The following PSME4 variants were observed in gnomAD, a reference collection of about 807,000 sequenced individuals.
PSME4 encodes the protein proteasome activator complex subunit 4.
A neutral mutation model predicts 253.9 loss-of-function variants in PSME4; 89 were observed. That is an observed-to-expected ratio of 0.35 (90% CI 0.30 to 0.42). The LOEUF (loss-of-function observed/expected upper bound fraction) is 0.42, where lower values mean the gene tolerates loss of function less well. PSME4 is among the 10% of genes least tolerant of loss of function. The probability of loss-of-function intolerance (pLI) is 1.00; values close to 1 mark genes in which losing one functional copy is unlikely to be tolerated. For synonymous variants in PSME4, 851 were observed against 759.2 expected, an observed-to-expected ratio of 1.12 and a Z score of -1.99; for missense variants, 2,014 against 2,195.2, an observed-to-expected ratio of 0.92 and a Z score of 1.65.
Position 53,950,618 on chromosome 2 carries a change from G to C in PSME4, c.243-1335C>G, listed in dbSNP as rs371310786. On this transcript the variant is annotated intron_variant, in intron 1 of 46. Transcript: ENST00000404125. ...GCACTTTGGGAGGCCGACGTGGGTG[G>C]ATTACCTGAGGTCAGGAGTTTGAGA... Among the ~76,000 whole-genome samples, 69 of 152,090 alleles carry C rather than the reference G, an allele frequency of 4.5e-4. No individual in the cohort carries two copies. In the East Asian group the frequency reaches 0.013, roughly 29 times the overall value.
rs1266326719 is a variant in PSME4 at position 53,897,996 on chromosome 2, G to C, written c.3480C>G (p.Pro1160=). The C allele has an allele frequency of 1.2e-6, 2 of 1,613,016 alleles. No individual in the cohort carries two copies. The highest frequency in any genetic ancestry group is 2.7e-5 in the African/African-American group (2 of 74,780). ...LLDGVEQRNL[P]WKFEHIGIGL... ...CAATGCCTATATGTTCAAATTTCCA[G>C]GGCCTTAAAAGGAGGAAAAATAACA... Residue 1160 remains proline (P), a synonymous_variant, in exon 31 of 47, where the codon CCC becomes CCG. Transcript: ENST00000404125.
Position 53,888,006 on chromosome 2 carries a change from G to T in PSME4, c.4389-17C>A. ...TAAAGTCGACTAAAATTAAAGCATC[G>T]TAGTGTTATATTGGAGGCCCTTTCT... is the stretch of plus-strand genomic sequence containing the variant. On this transcript the variant is annotated splice_polypyrimidine_tract_variant and intron_variant, in intron 38 of 46. Coordinates refer to ENST00000404125, the MANE Select transcript of PSME4 (RefSeq NM_014614.3). The T allele has an allele frequency of 6.2e-7, 1 of 1,602,896 alleles. No individual in the cohort carries two copies. Among genetic ancestry groups the T allele is most frequent in the South Asian group, 1.1e-5 (1 of 89,094 alleles).
chr2:53,896,493 C>T (rs1680144450), intron 32 of PSME4, among the ~76,000 whole-genome samples: 1 of 152,094 alleles, frequency 6.6e-6, no homozygotes, highest in Non-Finnish European at 1.5e-5. Context: ...TGTCCCTAAT[C>T]CCACCACCCA....
intron 1 of PSME4, among the ~76,000 whole-genome samples, chr2:53,964,695 C>T (rs1201275287): frequency 6.6e-6 from 1 of 152,214 alleles, no homozygotes; most frequent in African/African-American, 2.4e-5. Flanking sequence ...TTAGCATTTC[C>T]TTTCTTTCCC....
intron 1 of PSME4, among the ~76,000 whole-genome samples, chr2:53,958,131 A>C (rs1042123217): frequency 6.8e-6 from 1 of 147,418 alleles, no homozygotes; most frequent in African/African-American, 2.5e-5. Flanking sequence ...GGTTGCAGTG[A>C]GGCAAGATCG....
chr2:53,910,202 G>A, intron 20 of PSME4, 72 bp from the exon 21 acceptor site: 1 of 1,273,812 alleles, frequency 7.9e-7, no homozygotes, highest in African/African-American at 1.5e-5. Context: ...AAGTTTCATT[G>A]CTGGACTGTT....
chr2:53,928,959 A>C (rs1267738851), intron 10 of PSME4, among the ~76,000 whole-genome samples: 1 of 152,112 alleles, frequency 6.6e-6, no homozygotes, highest in East Asian at 1.9e-4. Context: ...TAAGGTCAGG[A>C]GTTTGAGACC....
chr2:53,900,124 C>T, intron 28 of PSME4, 107 bp from the exon 29 acceptor site: 1 of 1,037,874 alleles, frequency 9.6e-7, no homozygotes, highest in Admixed American at 2.7e-5. Flanking sequence ...CACAAAAGTC[C>T]ACATATTTTA....
At chr2:53,969,845 T>C (rs1368857972) in intron 1 of PSME4, among the ~76,000 whole-genome samples, 2 of 152,144 alleles carry the variant, frequency 1.3e-5, no homozygotes, top group South Asian at 2.1e-4. Flanking sequence ...CTGACAGTGC[T>C]CTTCCCTACT....
At chr2:53,945,164 T>C (rs1281041259) in intron 3 of PSME4, among the ~76,000 whole-genome samples, 2 of 152,188 alleles carry the variant, frequency 1.3e-5, no homozygotes, top group Admixed American at 6.5e-5. Flanking sequence ...AGCATACCTA[T>C]GCATAATTCT....
At chr2:53,865,854 G>A (rs1166794027) in intron 46 of PSME4, 3 of 485,788 alleles carry the variant, frequency 6.2e-6, no homozygotes, top group Non-Finnish European at 1.1e-5. Flanking sequence ...CATCTACAAA[G>A]GTCCAAAAGC....
At chr2:53,949,675 A>T (rs1161553492) in intron 1 of PSME4, among the ~76,000 whole-genome samples, 1 of 152,200 alleles carries the variant, frequency 6.6e-6, no homozygotes, top group Non-Finnish European at 1.5e-5. Context: ...AGGTATCCAA[A>T]GTAATCAAAC....
At chr2:53,958,309 T>C (rs906514013) in intron 1 of PSME4, among the ~76,000 whole-genome samples, 1 of 151,114 alleles carries the variant, frequency 6.6e-6, no homozygotes, top group African/African-American at 2.4e-5. Flanking sequence ...TGAGCTGAGA[T>C]AGCACCGCTA....
At chr2:53,880,505 G>A (rs1679333015) in intron 41 of PSME4, among the ~76,000 whole-genome samples, 1 of 152,102 alleles carries the variant, frequency 6.6e-6, no homozygotes, top group Admixed American at 6.6e-5. Context: ...ATGCTCACAT[G>A]TGCAAGATAC....
At chr2:53,926,599 T>C (rs1668568814) in intron 12 of PSME4, among the ~76,000 whole-genome samples, 1 of 152,060 alleles carries the variant, frequency 6.6e-6, no homozygotes, top group African/African-American at 2.4e-5. Flanking sequence ...AAGAACCACT[T>C]GAACCCAGGA....
chr2:53,937,302 G>A, intron 5 of PSME4, 89 bp downstream of exon 5: 3 of 1,232,340 alleles, frequency 2.4e-6, no homozygotes, highest in Non-Finnish European at 3.3e-6. Flanking sequence ...CTTGCAAAAT[G>A]ATTTTTCTAG....
chr2:53,948,379 C>T (rs755493030), intron 3 of PSME4, 42 bp downstream of exon 3: 1 of 1,309,936 alleles, frequency 7.6e-7, no homozygotes, highest in Non-Finnish European at 1.1e-6. Flanking sequence ...CCTAAAAAAC[C>T]CCAAGTACTC....
intron 1 of PSME4, among the ~76,000 whole-genome samples, chr2:53,969,790 T>A (rs1350343437): frequency 6.6e-6 from 1 of 150,762 alleles, no homozygotes; most frequent in Admixed American, 6.6e-5. Flanking sequence ...TCTGAGTAAC[T>A]CAAAAAATTA....
At chr2:53,970,472 G>T in intron 1 of PSME4, 71 bp downstream of exon 1, 2 of 1,543,834 alleles carry the variant, frequency 1.3e-6, no homozygotes, top group South Asian at 1.2e-5. Context: ...TCTGGACAAA[G>T]AGCAACCATC....
Sources: gnomAD v4.1 joint callset for allele counts (sites outside exome capture counted in the v4.1 genomes callset) on GRCh38, gnomAD v4.1.1 for gene constraint, MANE v1.5 for transcripts, NCBI Gene and HGNC (gene_info 2026-07-23, HGNC 2026-07-21) for gene names.